The following CAGE1 variants were observed in gnomAD, a reference collection of about 807,000 sequenced individuals.
CAGE1 encodes cancer antigen 1, also known as cancer-associated gene 1 protein.
CAGE1 carries 66 observed loss-of-function variants against 94.9 expected under a neutral mutation model. The observed-to-expected ratio is 0.70, with a 90% confidence interval of 0.57 to 0.85. The LOEUF (loss-of-function observed/expected upper bound fraction) is 0.85. Among genes scored for constraint, CAGE1 ranks in the 40% least tolerant of loss-of-function variants. CAGE1 has a pLI of 0.00. For missense variants in CAGE1, 865 were observed against 950.4 expected, an observed-to-expected ratio of 0.91 and a Z score of 1.18; for synonymous variants, 319 against 321.0, an observed-to-expected ratio of 0.99 and a Z score of 0.07.
chr6:7,369,306 C>A (rs972770072), intron 6 of CAGE1, among the ~76,000 whole-genome samples: 8 of 152,148 alleles, frequency 5.3e-5, no homozygotes, highest in African/African-American at 1.7e-4. Flanking sequence ...CCGCACCTGG[C>A]CGTGCATGTC....
Position 7,339,186 on chromosome 6 carries a change from T to C in CAGE1, c.2370-5096A>G. 6.6e-7 allele frequency: 1 copy of C among 1,520,650 alleles called. No homozygotes were observed. Among genetic ancestry groups the C allele is most frequent in the Non-Finnish European group, 9.1e-7 (1 of 1,096,220 alleles). The allele number at this position is 1,520,650 out of a possible 1,614,324, so 94.2% of individuals were successfully genotyped here. ...GACCTCACAGCCTTTGGCCCCAGTT[T>C]CCATGATGAACCGCGACACACCATA... is the stretch of plus-strand genomic sequence containing the variant. On this transcript the variant is annotated intron_variant, in intron 11 of 13. Transcript: ENST00000502583. This position sits in a 1 kb window ranked among gnomAD's most constrained non-coding sequence, Gnocchi z 4.7.
At chr6:7,387,685 T>A (rs1322249375) in intron 1 of CAGE1, among the ~76,000 whole-genome samples, 2 of 152,036 alleles carry the variant, frequency 1.3e-5, no homozygotes, top group African/African-American at 4.8e-5. Flanking sequence ...TCATCATGCA[T>A]GGCTATTCAG....
chr6:7,385,843 A>G lies in CAGE1; in HGVS notation c.225T>C (p.Asn75=), dbSNP rs1295721551. The change falls in exon 3 of 14, where the codon AAT becomes AAC. Residue 75 remains asparagine, a synonymous_variant. Coordinates refer to ENST00000502583, the MANE Select transcript of CAGE1 (RefSeq NM_001170692.2). ...QNEIKNFERE[N]EYESTLCEDA... ...CTTCACAAAGTGTGGATTCATACTCATTTTCCCTTTCAAAATTCTTTATTT... is the reference window on the plus strand; with the variant it reads ...CTTCACAAAGTGTGGATTCATACTCGTTTTCCCTTTCAAAATTCTTTATTT... 1.3e-6 allele frequency: 2 copies of G among 1,539,776 alleles called. No individual in the cohort carries two copies.
chr6:7,387,166 T>G lies in CAGE1; in HGVS notation c.8A>C (p.Lys3Thr). The G allele has an allele frequency of 6.4e-7, 1 of 1,550,428 alleles. No individual in the cohort carries two copies. The highest frequency in any genetic ancestry group is 8.7e-7 in the Non-Finnish European group (1 of 1,146,056). ...TGATGACCAAAATTTTTGATAGTCCTTGTTCATAACTGTTGAACAATAGAA... is the reference window on the plus strand; with the variant it reads ...TGATGACCAAAATTTTTGATAGTCCGTGTTCATAACTGTTGAACAATAGAA... MN[K>T]DYQKFWSSPS... The change falls in exon 2 of 14, where the codon AAG (lysine) becomes ACG (threonine). Residue 3 changes from lysine to threonine, a missense_variant. Physicochemically the swap from Lys to Thr is moderately conservative, Grantham distance 78. Coordinates refer to ENST00000502583, the MANE Select transcript of CAGE1 (RefSeq NM_001170692.2).
At chr6:7,354,403 A>G (rs1759883571) in intron 11 of CAGE1, among the ~76,000 whole-genome samples, 1 of 152,218 alleles carries the variant, frequency 6.6e-6, no homozygotes, top group African/African-American at 2.4e-5. Context: ...CAAACTTTCT[A>G]AGATACAAAT....
intron 5 of CAGE1, among the ~76,000 whole-genome samples, chr6:7,372,512 A>G (rs1315412842): frequency 2.6e-5 from 4 of 151,086 alleles, no homozygotes; most frequent in Non-Finnish European, 5.9e-5. Context: ...GCTTTTGATG[A>G]CTGGCAATGA....
intron 3 of CAGE1, among the ~76,000 whole-genome samples, chr6:7,381,523 T>C (rs1008660334): frequency 2.6e-4 from 39 of 147,576 alleles, no homozygotes; most frequent in African/African-American, 9.1e-4. Context: ...TTGCCTGTTT[T>C]TCTATTACGT....
chr6:7,356,246 G>T, intron 9 of CAGE1, 117 bp from the exon 10 acceptor site: 1 of 639,304 alleles, frequency 1.6e-6, no homozygotes, highest in South Asian at 1.9e-5. Flanking sequence ...CTTCTAAACC[G>T]AGCTGTACCG....
chr6:7,345,334 C>T (rs992498359), intron 11 of CAGE1, among the ~76,000 whole-genome samples: 1 of 150,484 alleles, frequency 6.6e-6, no homozygotes, highest in Non-Finnish European at 1.5e-5. Context: ...CCACTAAACC[C>T]AGCAGGATGA....
intron 2 of CAGE1, among the ~76,000 whole-genome samples, chr6:7,386,360 C>A (rs1363112673): frequency 6.6e-6 from 1 of 152,170 alleles, no homozygotes; most frequent in East Asian, 1.9e-4. Flanking sequence ...TGGGACATTA[C>A]AATCTTTTAT....
intron 4 of CAGE1, among the ~76,000 whole-genome samples, chr6:7,377,550 T>G (rs558147038): frequency 2.6e-5 from 4 of 152,086 alleles, no homozygotes; most frequent in Non-Finnish European, 5.9e-5. Flanking sequence ...CTGGCCAACA[T>G]GGTGAAAACC....
chr6:7,342,401 C>T (rs753445527), intron 11 of CAGE1, among the ~76,000 whole-genome samples: 14 of 152,182 alleles, frequency 9.2e-5, no homozygotes, highest in Non-Finnish European at 1.3e-4. Flanking sequence ...CATGGTCTAC[C>T]GCAAGTGCAG....
chr6:7,342,063 G>T (rs1419032465), intron 11 of CAGE1: 2 of 915,756 alleles, frequency 2.2e-6, no homozygotes, highest in African/African-American at 1.6e-5. Context: ...AGTCCTGGAA[G>T]CTCGACTAAT....
chr6:7,386,597 C>G (rs890871265), intron 2 of CAGE1, among the ~76,000 whole-genome samples: 1 of 152,136 alleles, frequency 6.6e-6, no homozygotes, highest in African/African-American at 2.4e-5. Context: ...AGTTTTAACA[C>G]TGTGTGTAAA....
chr6:7,329,704 G>T lies in CAGE1; in HGVS notation c.2478+145C>A, dbSNP rs138160571. 4,145 of 534,988 alleles carry T rather than the reference G, an allele frequency of 7.7e-3. 30 individuals are homozygous for T. The highest frequency in any genetic ancestry group is 8.1e-3 in the Non-Finnish European group (2,358 of 292,658). The allele number at this position is 534,988 out of a possible 1,614,324, so 33.1% of individuals were successfully genotyped here. On this transcript the variant is annotated intron_variant, in intron 13 of 13. Transcript: ENST00000502583. ...TATAGCACCAGCTATGACAGGAGAC[G>T]GAAGAGCCCTCATCTGAAGACAGAG...
intron 11 of CAGE1, among the ~76,000 whole-genome samples, chr6:7,350,499 A>G (rs1332681257): frequency 5.3e-5 from 8 of 152,230 alleles, no homozygotes; most frequent in Non-Finnish European, 1.0e-4. Context: ...AAAATAGACC[A>G]TATCATAGGC....
chr6:7,362,839 C>T lies in CAGE1; in HGVS notation c.2193+2629G>A, dbSNP rs1760206174. On this transcript the variant is annotated intron_variant, in intron 9 of 13. Transcript: ENST00000502583. The surrounding 1 kb of genome is among the most constrained non-coding windows in gnomAD (Gnocchi z 4.1). ...ATCCCATAACTTCAACAATTATCAA[C>T]ATTTTCCATTACTGTTTTATCTTTC... Among the ~76,000 whole-genome samples, 1 of 152,204 alleles carries T rather than the reference C, an allele frequency of 6.6e-6. No individual in the cohort carries two copies.
intron 11 of CAGE1, among the ~76,000 whole-genome samples, chr6:7,342,839 G>A (rs1759236939): frequency 6.6e-6 from 1 of 152,180 alleles, no homozygotes; most frequent in African/African-American, 2.4e-5. Flanking sequence ...GTTGAGAGAT[G>A]AGGATCCAGT....
chr6:7,372,990 A>T, intron 5 of CAGE1, 83 bp downstream of exon 5: 1 of 953,696 alleles, frequency 1.0e-6, no homozygotes, highest in Non-Finnish European at 1.5e-6. Context: ...AAACAAATAT[A>T]AGTGCCACGT....
Sources: gnomAD v4.1 joint callset for allele counts (sites outside exome capture counted in the v4.1 genomes callset) on GRCh38, gnomAD v4.1.1 for gene constraint, Gnocchi (gnomAD v3.1) non-coding constraint, MANE v1.5 for transcripts, NCBI Gene and HGNC (gene_info 2026-07-23, HGNC 2026-07-21) for gene names.